Variants in ULK4 observed in about 807,000 individuals in gnomAD.
ULK4 encodes unc-51 like kinase 4.
Under a neutral mutation model 160.6 loss-of-function variants are expected in ULK4, and 133 were observed. The ratio of observed to expected loss-of-function variants is 0.83; its 90% CI spans 0.72 to 0.96. ULK4 has a LOEUF of 0.96. Ranked by LOEUF, ULK4 falls within the 40% of genes least tolerant of loss-of-function variation. The pLI, the probability that ULK4 is intolerant of heterozygous loss-of-function variation, is 0.00. For missense variants in ULK4, 1,580 were observed against 1,499.5 expected, an observed-to-expected ratio of 1.05 and a Z score of -0.89; for synonymous variants, 534 against 539.8, an observed-to-expected ratio of 0.99 and a Z score of 0.15.
intron 35 of ULK4, among the ~76,000 whole-genome samples, chr3:41,334,366 C>A (rs2080508775): frequency 6.6e-6 from 1 of 152,126 alleles, no homozygotes. Flanking sequence ...CTGAGGGGAT[C>A]CCAAGCCTCT....
chr3:41,461,859 C>A (rs2083692631), intron 33 of ULK4, among the ~76,000 whole-genome samples: 1 of 152,084 alleles, frequency 6.6e-6, no homozygotes, highest in Admixed American at 6.6e-5. Context: ...TTACAAAAAT[C>A]TACCACTATG....
intron 18 of ULK4, among the ~76,000 whole-genome samples, chr3:41,834,865 G>A (rs548190475): frequency 8.5e-5 from 13 of 152,280 alleles, no homozygotes; most frequent in Admixed American, 2.6e-4. Context: ...GCAACATGGC[G>A]AAACCCCATC....
intron 35 of ULK4, among the ~76,000 whole-genome samples, chr3:41,328,676 T>TA (rs2080383421): frequency 6.6e-6 from 1 of 152,164 alleles, no homozygotes; most frequent in African/African-American, 2.4e-5. Context: ...AGCTTCCTGA[T>TA]ACGAGATTTG....
At chr3:41,397,743 G>T (rs1290041891) in intron 35 of ULK4, among the ~76,000 whole-genome samples, 1 of 152,098 alleles carries the variant, frequency 6.6e-6, no homozygotes, top group Non-Finnish European at 1.5e-5. Context: ...ACTGGTAAAG[G>T]AATTTTATCA....
chr3:41,851,780 C>G (rs2042221035), intron 17 of ULK4, among the ~76,000 whole-genome samples: 1 of 151,654 alleles, frequency 6.6e-6, no homozygotes, highest in Non-Finnish European at 1.5e-5. Context: ...ACTAAATGCC[C>G]ACAAGAGAAA....
intron 30 of ULK4, among the ~76,000 whole-genome samples, chr3:41,639,494 G>T (rs546323141): frequency 6.6e-6 from 1 of 152,156 alleles, no homozygotes; most frequent in East Asian, 1.9e-4. Flanking sequence ...TTGGGAGGCC[G>T]AGTCAGGCAG....
At chr3:41,707,892 T>C (rs2036959153) in intron 25 of ULK4, among the ~76,000 whole-genome samples, 1 of 149,962 alleles carries the variant, frequency 6.7e-6, no homozygotes, top group East Asian at 1.9e-4. Context: ...GATATACAAA[T>C]GGTCAATAGG....
chr3:41,589,158 A>G (rs1019371103), intron 31 of ULK4, among the ~76,000 whole-genome samples: 1 of 152,144 alleles, frequency 6.6e-6, no homozygotes, highest in African/African-American at 2.4e-5. Flanking sequence ...ATGATCTCTA[A>G]AAGAGAAAAA....
At chr3:41,922,129 G>A (rs924734463) in intron 5 of ULK4, among the ~76,000 whole-genome samples, 15 of 152,116 alleles carry the variant, frequency 9.9e-5, no homozygotes, top group Non-Finnish European at 5.9e-5. Context: ...CTCCAGCCTA[G>A]GCAACAGAGC....
At chr3:41,857,716 T>C (rs910406602) in intron 17 of ULK4, among the ~76,000 whole-genome samples, 9 of 152,218 alleles carry the variant, frequency 5.9e-5, no homozygotes, top group African/African-American at 2.2e-4. Flanking sequence ...TCTAGGAATT[T>C]GTCCACTTCT....
chr3:41,468,572 T>C (rs546085880), intron 32 of ULK4, among the ~76,000 whole-genome samples: 1 of 152,170 alleles, frequency 6.6e-6, no homozygotes, highest in East Asian at 1.9e-4. Context: ...TCCACAGATA[T>C]GAACACTCTG....
At chr3:41,384,196 G>C (rs1391376984) in intron 35 of ULK4, among the ~76,000 whole-genome samples, 1 of 151,992 alleles carries the variant, frequency 6.6e-6, no homozygotes, top group Non-Finnish European at 1.5e-5. Flanking sequence ...AGTATAAGGG[G>C]CCACTATCAA....
chr3:41,817,146 A>G (rs1295289620), intron 19 of ULK4, among the ~76,000 whole-genome samples: 2 of 152,164 alleles, frequency 1.3e-5, no homozygotes, highest in East Asian at 3.9e-4. Flanking sequence ...AGTGGTCCAA[A>G]TGAACTATAG....
Position 41,279,205 on chromosome 3 carries a change from G to C in ULK4, c.3679-29631C>G, listed in dbSNP as rs537094205. Among the ~76,000 whole-genome samples, 28 of 122,392 alleles carry C rather than the reference G, an allele frequency of 2.3e-4. 1 individual carries two copies. Among genetic ancestry groups the C allele is most frequent in the Non-Finnish European group, 4.9e-5 (3 of 60,864 alleles). 80.3% of individuals were successfully genotyped at this position (122,392 alleles called of 152,430 possible). A position where few individuals can be genotyped will look rare whatever the true frequency, so the allele number is the denominator to read the frequency against. On this transcript the variant is annotated intron_variant, in intron 35 of 36. Transcript: ENST00000301831. ...GGAAGAAAGGATATCAATGACTGAA[G>C]AGCAAATTAATGAAATAAAGTATAA...
In ULK4 at chr3:41,912,107, C is replaced by T. The variant is rs186336098; in HGVS notation, c.897-448G>A. Reference sequence around the variant, plus strand: ...CTTTGGGAGGCCACAGCGGGCAAATCGCTTGAGGCCAGGAGTTTGAAACCA... The same window carrying T: ...CTTTGGGAGGCCACAGCGGGCAAATTGCTTGAGGCCAGGAGTTTGAAACCA... On this transcript the variant is annotated intron_variant, in intron 9 of 36. Coordinates refer to ENST00000301831, the MANE Select transcript of ULK4 (RefSeq NM_017886.4). 1.7e-3 allele frequency among the ~76,000 whole-genome samples: 263 copies of T among 152,036 alleles called. 1 individual carries two copies. Among genetic ancestry groups the T allele is most frequent in the Non-Finnish European group, 2.5e-3 (173 of 67,990 alleles).
intron 22 of ULK4, among the ~76,000 whole-genome samples, chr3:41,752,005 G>A (rs1043098779): frequency 8.5e-5 from 13 of 152,186 alleles, no homozygotes; most frequent in African/African-American, 2.9e-4. Context: ...AGGACATGGT[G>A]AGGAACAGGG....
intron 5 of ULK4, among the ~76,000 whole-genome samples, chr3:41,924,534 C>T (rs998470036): frequency 3.3e-5 from 5 of 152,216 alleles, no homozygotes; most frequent in Admixed American, 6.5e-5. Flanking sequence ...CAGCTCTCTT[C>T]CCCTTACTAA....
intron 16 of ULK4, among the ~76,000 whole-genome samples, chr3:41,888,552 CACAAGGAACAATTGTGTCCTTGT>C (rs796689499): frequency 1.2e-4 from 18 of 152,296 alleles, no homozygotes; most frequent in African/African-American, 3.8e-4. Context: ...ATTACAACTG[CACAAGGAACAATTGTGTCCTTGT>C]ACAAGGAACA....
At chr3:41,585,900 T>A (rs987001442) in intron 31 of ULK4, among the ~76,000 whole-genome samples, 1 of 152,110 alleles carries the variant, frequency 6.6e-6, no homozygotes, top group African/African-American at 2.4e-5. Context: ...AACAAGCAGA[T>A]GAAAAGATGC....
Sources: allele counts gnomAD v4.1 joint callset (sites outside exome capture counted in the v4.1 genomes callset), GRCh38; gene constraint gnomAD v4.1.1; transcripts MANE v1.5; gene names NCBI Gene and HGNC (gene_info 2026-07-23, HGNC 2026-07-21).